The following GABRA3 variants were observed in gnomAD, a reference collection of about 807,000 sequenced individuals.
The protein encoded by GABRA3 is gamma-aminobutyric acid receptor subunit alpha-3.
GABRA3 carries 10 observed loss-of-function variants against 30.1 expected under a neutral mutation model. That is an observed-to-expected ratio of 0.33 (90% confidence interval 0.20 to 0.56). The LOEUF (loss-of-function observed/expected upper bound fraction) is 0.56. Among genes scored for constraint, GABRA3 ranks in the 20% least tolerant of loss-of-function variants. GABRA3 has a pLI of 0.89. For synonymous variants in GABRA3, 151 were observed against 146.8 expected, an observed-to-expected ratio of 1.03 and a Z score of -0.21; for missense variants, 233 against 392.0, an observed-to-expected ratio of 0.59 and a Z score of 3.42.
chrX:152,353,994 T>C, intron 2 of GABRA3, among the ~76,000 whole-genome samples: 1 of 111,876 alleles, frequency 8.9e-6, no homozygotes, highest in Middle Eastern at 4.6e-3. Context: ...TTTCTCCAGG[T>C]CCTATAAGAA....
chrX:152,178,951 GATTT>G (rs1294894707), intron 9 of GABRA3, among the ~76,000 whole-genome samples: 1 of 111,290 alleles, frequency 9.0e-6, no homozygotes, highest in Non-Finnish European at 1.9e-5. Context: ...CATGATAAAT[GATTT>G]ATTTCACATA....
chrX:152,351,767 T>C (rs1940481844), intron 2 of GABRA3, among the ~76,000 whole-genome samples: 1 of 111,808 alleles, frequency 8.9e-6, no homozygotes, highest in Admixed American at 9.6e-5. Flanking sequence ...CTTACTAAGC[T>C]TAATCATTTC....
chrX:152,208,296 C>T lies in GABRA3; in HGVS notation c.635-152G>A, dbSNP rs1042855322. The T allele has an allele frequency of 8.4e-6, 4 of 475,845 alleles. No individual in the cohort carries two copies. The Admixed American group carries it at 1.6e-4, about 19-fold the overall frequency. 39.2% of individuals were successfully genotyped at this position (475,845 alleles called of 1,213,427 possible). A position where few individuals can be genotyped will look rare whatever the true frequency, so the allele number is the denominator to read the frequency against. On this transcript the variant is annotated intron_variant, in intron 6 of 9. Transcript: ENST00000370314. ...TTCAACTGAAGTCCATCCATCCGTC[C>T]ATCCATCCATCCATCCATACAATAA... is the stretch of plus-strand genomic sequence containing the variant.
intron 4 of GABRA3, among the ~76,000 whole-genome samples, chrX:152,284,248 A>G (rs767054533): frequency 7.7e-4 from 86 of 111,532 alleles, no homozygotes; most frequent in African/African-American, 2.7e-3. Flanking sequence ...AGTGGATGAA[A>G]CCCAGTTACA....
rs970137939 is a variant in GABRA3, at chrX:152,240,273, T to G, written c.552-15428A>C. Among the ~76,000 whole-genome samples, 12 of 103,431 alleles carry G rather than the reference T, an allele frequency of 1.2e-4. 2 individuals carry two copies. The highest frequency in any genetic ancestry group is 1.7e-4 in the Non-Finnish European group (9 of 52,357). The allele number at this position is 103,431 out of a possible 115,157, so 89.8% of individuals were successfully genotyped here. ...TTATGAAGCTTAGTTTGGCTGGATATGAAATTCTGGTTTGAAAATTCTTTT... is the reference window on the plus strand; with the variant it reads ...TTATGAAGCTTAGTTTGGCTGGATAGGAAATTCTGGTTTGAAAATTCTTTT... On this transcript the variant is annotated intron_variant, in intron 5 of 9. Coordinates refer to ENST00000370314, the MANE Select transcript of GABRA3 (RefSeq NM_000808.4).
chrX:152,310,716 T>C (rs1344817456), intron 3 of GABRA3, among the ~76,000 whole-genome samples: 1 of 106,863 alleles, frequency 9.4e-6, no homozygotes, highest in Non-Finnish European at 1.9e-5. Context: ...AAAATCAGAG[T>C]TGAATTGAAG....
chrX:152,404,005 A>G (rs139860732), intron 1 of GABRA3, among the ~76,000 whole-genome samples: 1 of 111,387 alleles, frequency 9.0e-6, no homozygotes, highest in Non-Finnish European at 1.9e-5. Flanking sequence ...AGATGTTAAA[A>G]TGATTACAAG....
At chrX:152,192,408 A>G (rs1391577955) in intron 8 of GABRA3, among the ~76,000 whole-genome samples, 2 of 111,999 alleles carry the variant, frequency 1.8e-5, no homozygotes, top group South Asian at 3.7e-4. Flanking sequence ...CTTATACCAA[A>G]CCACATCTGT....
At chrX:152,224,631 C>G in intron 6 of GABRA3, 132 bp downstream of exon 6, 1 of 422,061 alleles carries the variant, frequency 2.4e-6, no homozygotes, top group South Asian at 5.9e-5. Flanking sequence ...CACTCTCTGA[C>G]CCACCCTGAT....
chrX:152,304,667 T>C (rs907734237), intron 3 of GABRA3, among the ~76,000 whole-genome samples: 1 of 112,320 alleles, frequency 8.9e-6, no homozygotes, highest in African/African-American at 3.2e-5. Flanking sequence ...TCTGTTTTTG[T>C]ACCAGTACCA....
At chrX:152,287,910 C>A (rs942805307) in intron 3 of GABRA3, among the ~76,000 whole-genome samples, 4 of 110,646 alleles carry the variant, frequency 3.6e-5, no homozygotes, top group Non-Finnish European at 5.7e-5. Context: ...GTCCAGTGTA[C>A]CAGATCAGCT....
At chrX:152,211,292 C>T (rs955322814) in intron 6 of GABRA3, among the ~76,000 whole-genome samples, 1 of 108,878 alleles carries the variant, frequency 9.2e-6, no homozygotes, top group Non-Finnish European at 1.9e-5. Context: ...GCACAGACAA[C>T]ACTGAATATT....
chrX:152,198,158 A>T (rs1219170726), intron 7 of GABRA3, among the ~76,000 whole-genome samples: 3 of 112,419 alleles, frequency 2.7e-5, no homozygotes, highest in Non-Finnish European at 5.6e-5. Flanking sequence ...CCTATGAGGT[A>T]GGTACTATTG....
intron 1 of GABRA3, among the ~76,000 whole-genome samples, chrX:152,377,364 G>A (rs1328462653): frequency 9.0e-6 from 1 of 111,301 alleles, no homozygotes; most frequent in African/African-American, 3.3e-5. Context: ...GAAATCGGGT[G>A]TTAATGTAAA....
In GABRA3 at chrX:152,279,162, G is replaced by A. The variant is rs1939149915; in HGVS notation, c.330+5506C>T. Among the ~76,000 whole-genome samples, 3 of 111,917 alleles carry A rather than the reference G, an allele frequency of 2.7e-5. No homozygotes were observed. In the South Asian group the frequency reaches 1.1e-3, roughly 41 times the overall value. On this transcript the variant is annotated intron_variant, in intron 4 of 9. Transcript: ENST00000370314. ...GGCTTTTGTTGCCATTGCTTTTGGT[G>A]TTTTAGATATGAAGTCTTTGCCCAT...
chrX:152,295,454 T>A (rs1939509826), intron 3 of GABRA3, among the ~76,000 whole-genome samples: 1 of 113,030 alleles, frequency 8.8e-6, no homozygotes, highest in African/African-American at 3.2e-5. Context: ...AATCTCAGAC[T>A]GCTGCGCTAG....
At chrX:152,175,979 G>A (rs1161550384) in intron 9 of GABRA3, among the ~76,000 whole-genome samples, 1 of 109,667 alleles carries the variant, frequency 9.1e-6, no homozygotes, top group Non-Finnish European at 1.9e-5. Flanking sequence ...CAGAAGAATC[G>A]CTTGAACCCA....
intron 6 of GABRA3, among the ~76,000 whole-genome samples, chrX:152,215,865 A>T (rs1937710640): frequency 9.0e-6 from 1 of 111,525 alleles, no homozygotes; most frequent in Non-Finnish European, 1.9e-5. Context: ...AGGGGTTAAT[A>T]TCCAGTATAT....
At chrX:152,445,543 A>G (rs1931068219) in intron 1 of GABRA3, among the ~76,000 whole-genome samples, 1 of 111,635 alleles carries the variant, frequency 9.0e-6, no homozygotes, top group South Asian at 3.8e-4. Context: ...GACCCCTTCC[A>G]AAGTCTGTGA....
Sources: allele counts gnomAD v4.1 joint callset (sites outside exome capture counted in the v4.1 genomes callset), GRCh38; gene constraint gnomAD v4.1.1; transcripts MANE v1.5; gene names NCBI Gene and HGNC (gene_info 2026-07-23, HGNC 2026-07-21).